NEMP2: variants seen among roughly 807,000 people sequenced by gnomAD.
NEMP2 encodes the protein UPF0571 transmembrane protein.
A neutral mutation model predicts 54.2 loss-of-function variants in NEMP2; 53 were observed. The ratio of observed to expected loss-of-function variants is 0.98; its 90% confidence interval spans 0.78 to 1.23. The LOEUF is 1.23. NEMP2 is among the 50% of genes most tolerant of loss of function. NEMP2 has a pLI of 0.00. For missense variants in NEMP2, 455 were observed against 511.3 expected (o/e 0.89, Z 1.06); for synonymous variants, 197 against 190.3 (o/e 1.04, Z -0.29).
chr2:190,601,135 G>A, the NEMP2 span, among the ~76,000 whole-genome samples: 1 of 152,168 alleles, frequency 6.6e-6, no homozygotes, highest in Admixed American at 6.5e-5. The surrounding 1 kb of genome is among the most constrained non-coding windows in gnomAD (Gnocchi z 5.8). Context: ...GAGTCAGGTG[G>A]GCCTGTCATC....
At chr2:190,526,342 T>C (rs978248556) in intron 1 of NEMP2, among the ~76,000 whole-genome samples, 1 of 151,840 alleles carries the variant, frequency 6.6e-6, no homozygotes. Flanking sequence ...TATAATGCAG[T>C]CCACAGAGGT....
the NEMP2 span, among the ~76,000 whole-genome samples, chr2:190,429,448 C>T: frequency 1.3e-5 from 2 of 152,020 alleles, no homozygotes; most frequent in East Asian, 1.9e-4. Flanking sequence ...GCCTCAGCCT[C>T]CCAAGCAGCT....
chr2:190,549,915 A>ATTGTTTCTGCAACTTTT, the NEMP2 span, among the ~76,000 whole-genome samples: 1 of 152,188 alleles, frequency 6.6e-6, no homozygotes, highest in Non-Finnish European at 1.5e-5. Context: ...CTGGTTGGTT[A>ATTGTTTCTGCAACTTTT]TTGTTTCTGC....
chr2:190,467,691 TG>T, the NEMP2 span, among the ~76,000 whole-genome samples: 1 of 152,194 alleles, frequency 6.6e-6, no homozygotes, highest in Non-Finnish European at 1.5e-5. This position sits in a 1 kb window ranked among gnomAD's most constrained non-coding sequence, Gnocchi z 5.5. Flanking sequence ...GCCTGCTGCC[TG>T]TTTTTATATG....
the NEMP2 span, among the ~76,000 whole-genome samples, chr2:190,473,863 G>A: frequency 2.0e-4 from 30 of 152,070 alleles, no homozygotes; most frequent in Middle Eastern, 3.2e-3. Context: ...ATAACAAACT[G>A]TCTCTCAGAC....
chr2:190,620,857 C>T, the NEMP2 span, among the ~76,000 whole-genome samples: 6 of 152,224 alleles, frequency 3.9e-5, no homozygotes, highest in South Asian at 2.1e-4. The surrounding 1 kb of genome is among the most constrained non-coding windows in gnomAD (Gnocchi z 4.9). Context: ...ATATTGTATA[C>T]AGAAAATCCT....
Position 190,522,084 on chromosome 2 carries a change from A to C in NEMP2, c.214-2901T>G, listed in dbSNP as rs556637789. 1.3e-5 allele frequency among the ~76,000 whole-genome samples: 2 copies of C among 152,314 alleles called. No homozygotes were observed. Among genetic ancestry groups the C allele is most frequent in the Admixed American group, 1.3e-4 (2 of 15,294 alleles). On this transcript the variant is annotated intron_variant, in intron 2 of 8. Transcript: ENST00000409150. The surrounding 1 kb of genome is among the most constrained non-coding windows in gnomAD (Gnocchi z 5.0). ...GGGTTGGATAGGAATTAATAGAGGGAGGAGGGAAAGTGACACTTATCTGAA... is the reference window on the plus strand; with the variant it reads ...GGGTTGGATAGGAATTAATAGAGGGCGGAGGGAAAGTGACACTTATCTGAA...
At chr2:190,549,609 G>A in the NEMP2 span, among the ~76,000 whole-genome samples, 9 of 151,976 alleles carry the variant, frequency 5.9e-5, 1 homozygote, top group Middle Eastern at 3.4e-3. Context: ...ATAAGATTTC[G>A]ATGAATAGCA....
At chr2:190,434,034 T>C in the NEMP2 span, among the ~76,000 whole-genome samples, 1 of 151,658 alleles carries the variant, frequency 6.6e-6, no homozygotes, top group Non-Finnish European at 1.5e-5. This position sits in a 1 kb window ranked among gnomAD's most constrained non-coding sequence, Gnocchi z 4.3. Context: ...TCTACAAAAA[T>C]TAGTTGGGCA....
chr2:190,500,408 C>G, downstream of NEMP2: 1 of 621,958 alleles, frequency 1.6e-6, no homozygotes, highest in Non-Finnish European at 2.8e-6. This position sits in a 1 kb window ranked among gnomAD's most constrained non-coding sequence, Gnocchi z 5.3. Context: ...AAAAGGTAAA[C>G]TTTCGTAATC....
the NEMP2 span, among the ~76,000 whole-genome samples, chr2:190,428,553 T>C: frequency 6.6e-6 from 1 of 152,232 alleles, no homozygotes; most frequent in African/African-American, 2.4e-5. Flanking sequence ...ATATTTGTTT[T>C]ATACTTACCT....
chr2:190,630,205 C>G, the NEMP2 span, among the ~76,000 whole-genome samples: 10 of 152,320 alleles, frequency 6.6e-5, no homozygotes, highest in African/African-American at 2.4e-4. This position sits in a 1 kb window ranked among gnomAD's most constrained non-coding sequence, Gnocchi z 5.5. Flanking sequence ...TGCTCCTGCT[C>G]ATTCATTCCT....
chr2:190,606,059 TCA>T, the NEMP2 span, among the ~76,000 whole-genome samples: 1 of 152,236 alleles, frequency 6.6e-6, no homozygotes, highest in Non-Finnish European at 1.5e-5. Context: ...AACAAGAGTT[TCA>T]CAGTGTCCAC....
chr2:190,483,107 T>C, the NEMP2 span, among the ~76,000 whole-genome samples: 9 of 151,016 alleles, frequency 6.0e-5, no homozygotes, highest in Non-Finnish European at 1.0e-4. Flanking sequence ...TTAGCCAGGA[T>C]GGTCTCGATC....
chr2:190,460,703 G>C, the NEMP2 span, among the ~76,000 whole-genome samples: 12 of 152,284 alleles, frequency 7.9e-5, no homozygotes, highest in East Asian at 2.3e-3. Flanking sequence ...ATATTAAAGG[G>C]AATGGACCAG....
At chr2:190,590,056 A>G in the NEMP2 span, among the ~76,000 whole-genome samples, 1 of 152,196 alleles carries the variant, frequency 6.6e-6, no homozygotes, top group African/African-American at 2.4e-5. This position sits in a 1 kb window ranked among gnomAD's most constrained non-coding sequence, Gnocchi z 5.1. Flanking sequence ...AAACACATCC[A>G]TGGTCACAGA....
the NEMP2 span, among the ~76,000 whole-genome samples, chr2:190,581,244 A>G: frequency 1.1e-4 from 17 of 152,356 alleles, no homozygotes; most frequent in Admixed American, 3.3e-4. Flanking sequence ...ACTTAATGGC[A>G]GTAATCCATT....
At chr2:190,445,595 C>G in the NEMP2 span, among the ~76,000 whole-genome samples, 3 of 152,032 alleles carry the variant, frequency 2.0e-5, no homozygotes, top group Non-Finnish European at 4.4e-5. Flanking sequence ...TTCAGTTCTC[C>G]CAAGGATGGC....
chr2:190,594,602 A>T, the NEMP2 span, among the ~76,000 whole-genome samples: 1 of 152,180 alleles, frequency 6.6e-6, no homozygotes, highest in Non-Finnish European at 1.5e-5. This position sits in a 1 kb window ranked among gnomAD's most constrained non-coding sequence, Gnocchi z 5.6. Flanking sequence ...TAGAGATAGT[A>T]TCTTTCTCTA....
Sources: allele counts gnomAD v4.1 joint callset (sites outside exome capture counted in the v4.1 genomes callset), GRCh38; gene constraint gnomAD v4.1.1; non-coding constraint Gnocchi (gnomAD v3.1); transcripts MANE v1.5; gene names NCBI Gene and HGNC (gene_info 2026-07-23, HGNC 2026-07-21).